The following CDK5RAP2 variants were observed in gnomAD, a reference collection of about 807,000 sequenced individuals.
The protein encoded by CDK5RAP2 is CDK5 regulatory subunit-associated protein 2.
Under a neutral mutation model 232.9 loss-of-function variants are expected in CDK5RAP2, and 147 were observed. The observed-to-expected ratio is 0.63, with a 90% CI of 0.55 to 0.72. The LOEUF (loss-of-function observed/expected upper bound fraction) is 0.72, where lower values mean the gene tolerates loss of function less well. Ranked by LOEUF, CDK5RAP2 falls within the 30% of genes least tolerant of loss-of-function variation. CDK5RAP2 has a pLI of 0.00. For synonymous variants in CDK5RAP2, 833 were observed against 833.7 expected, an observed-to-expected ratio of 1.00 and a Z score of 0.01; for missense variants, 2,195 against 2,231.5, an observed-to-expected ratio of 0.98 and a Z score of 0.33.
rs563855477 is a variant in CDK5RAP2 at position 120,419,929 on chromosome 9, G to C, written c.4036C>G (p.Leu1346Val). 2 of 1,614,036 alleles carry C rather than the reference G, an allele frequency of 1.2e-6. No individual in the cohort carries two copies. The highest frequency in any genetic ancestry group is 4.5e-5 in the East Asian group (2 of 44,878). Reference sequence around the variant, plus strand: ...GAAGGCTCAGGAGATTCAGGCAGAAGATGTTGGTAGGTTAAGTTGTCTTCC... The same window carrying C: ...GAAGGCTCAGGAGATTCAGGCAGAACATGTTGGTAGGTTAAGTTGTCTTCC... ...IEEDNLTYQH[L>V]LPESPEPSAS... The change falls in exon 27 of 38, where the codon CTT (leucine) becomes GTT (valine). Residue 1346 changes from leucine (L) to valine (V), a missense_variant. Physicochemically the swap from Leu to Val is conservative, Grantham distance 32. Transcript: ENST00000349780.
chr9:120,432,958 C>T (rs1029319306), intron 25 of CDK5RAP2, among the ~76,000 whole-genome samples: 1 of 152,160 alleles, frequency 6.6e-6, no homozygotes, highest in African/African-American at 2.4e-5. Flanking sequence ...ATTTAGAATA[C>T]CCTTAGCTAC....
intron 12 of CDK5RAP2, among the ~76,000 whole-genome samples, chr9:120,500,958 T>C (rs1004016714): frequency 6.6e-6 from 1 of 152,180 alleles, no homozygotes; most frequent in South Asian, 2.1e-4. Context: ...CTCCCATACC[T>C]GAAAATTCCT....
Position 120,477,434 on chromosome 9 carries a change from G to A in CDK5RAP2, c.1643C>T (p.Ser548Leu). ...TIFSKEKKQS[S>L]DYEELIQVLK... is the part of the protein sequence containing the mutation. ...GACCTGAATCAGCTCTTCATAGTCT[G>A]ATGATTGTTTCTTTTCCTGGAAATG... Residue 548 changes from serine (S) to leucine (L), a missense_variant, in exon 15 of 38, where the codon TCA becomes TTA. Ser to Leu is a moderately radical substitution (Grantham distance 145, BLOSUM62 -2). Coordinates refer to ENST00000349780, the MANE Select transcript of CDK5RAP2 (RefSeq NM_018249.6). 2 of 1,613,046 alleles carry A rather than the reference G, an allele frequency of 1.2e-6. No individual in the cohort carries two copies. Among genetic ancestry groups the A allele is most frequent in the Non-Finnish European group, 1.7e-6 (2 of 1,179,206 alleles).
At chr9:120,558,712 A>C (rs1250784949) in intron 3 of CDK5RAP2, among the ~76,000 whole-genome samples, 2 of 152,006 alleles carry the variant, frequency 1.3e-5, no homozygotes, top group Non-Finnish European at 2.9e-5. Context: ...GCTCGATCTC[A>C]TCCCTTCCAC....
intron 12 of CDK5RAP2, among the ~76,000 whole-genome samples, chr9:120,500,057 G>A (rs973935627): frequency 1.3e-5 from 2 of 152,208 alleles, no homozygotes; most frequent in Admixed American, 6.5e-5. Context: ...ATGGTCTAGA[G>A]AGCTGCTATA....
In CDK5RAP2 at chr9:120,447,901, G is replaced by C. The variant is rs1165274640; in HGVS notation, c.3019C>G (p.Leu1007Val). 1 of 1,612,852 alleles carries C rather than the reference G, an allele frequency of 6.2e-7. No individual in the cohort carries two copies. Among genetic ancestry groups the C allele is most frequent in the East Asian group, 2.2e-5 (1 of 44,876 alleles). ...EGRPTPDKTLLNAQPPVGAAY... is the reference protein window; with the variant it reads ...EGRPTPDKTLVNAQPPVGAAY... Reference sequence around the variant, plus strand: ...CATTTTTCTTGGTGCTTACCATTCAGCAACGTTTTGTCGGGCGTTGGCCTC... The same window carrying C: ...CATTTTTCTTGGTGCTTACCATTCACCAACGTTTTGTCGGGCGTTGGCCTC... The change falls in exon 22 of 38, where the codon CTG (leucine) becomes GTG (valine). Residue 1007 changes from leucine to valine, a missense_variant. Transcript: ENST00000349780.
chr9:120,453,902 A>G (rs759864100), intron 20 of CDK5RAP2, 29 bp from the exon 21 acceptor site: 4 of 1,612,114 alleles, frequency 2.5e-6, no homozygotes, highest in Non-Finnish European at 3.4e-6. Context: ...AGGAAGTGGG[A>G]GAACCAAGCT....
chr9:120,518,210 TGAGAGAGAGAGA>T (rs146336954), intron 12 of CDK5RAP2, among the ~76,000 whole-genome samples: 5 of 43,930 alleles, frequency 1.1e-4, no homozygotes, highest in African/African-American at 4.2e-4. Context: ...TGTGTGTGTG[TGAGAGAGAGAGA>T]GAGAGAGAGA....
intron 27 of CDK5RAP2, among the ~76,000 whole-genome samples, chr9:120,418,028 C>G (rs182829920): frequency 1.3e-5 from 2 of 152,326 alleles, no homozygotes; most frequent in Admixed American, 1.3e-4. Context: ...TATGTAATAA[C>G]ATGTCGGAAA....
At chr9:120,466,312 TA>T (rs1377149638) in intron 18 of CDK5RAP2, among the ~76,000 whole-genome samples, 1 of 152,144 alleles carries the variant, frequency 6.6e-6, no homozygotes, top group African/African-American at 2.4e-5. Context: ...ACCCTCACCC[TA>T]ACTCCATCTA....
intron 18 of CDK5RAP2, among the ~76,000 whole-genome samples, chr9:120,466,443 T>A (rs1464883158): frequency 6.6e-6 from 1 of 152,114 alleles, no homozygotes; most frequent in African/African-American, 2.4e-5. Context: ...CAAAGTACAA[T>A]ATGATAAAAG....
intron 12 of CDK5RAP2, 137 bp from the exon 13 acceptor site, chr9:120,491,614 TC>T: frequency 1.7e-6 from 1 of 605,296 alleles, no homozygotes; most frequent in Non-Finnish European, 2.8e-6. Context: ...TATATTTAAA[TC>T]CTTCTCACTT....
intron 2 of CDK5RAP2, among the ~76,000 whole-genome samples, chr9:120,571,003 A>T (rs2042834703): frequency 6.6e-6 from 1 of 152,200 alleles, no homozygotes; most frequent in African/African-American, 2.4e-5. Context: ...TGCAAAAAAT[A>T]CAAAAATTAG....
chr9:120,578,877 T>C (rs973753027), intron 1 of CDK5RAP2, among the ~76,000 whole-genome samples: 1 of 152,182 alleles, frequency 6.6e-6, no homozygotes, highest in South Asian at 2.1e-4. Flanking sequence ...CTTTTCACTC[T>C]TAAGTGTCCC....
intron 20 of CDK5RAP2, among the ~76,000 whole-genome samples, chr9:120,455,428 GGCACACACGT>G (rs2036713629): frequency 6.6e-6 from 1 of 151,282 alleles, no homozygotes; most frequent in Non-Finnish European, 1.5e-5. Context: ...GACTGGGCCA[GGCACACACGT>G]GCTTCAGAAA....
chr9:120,508,436 A>G (rs553001311), intron 12 of CDK5RAP2, among the ~76,000 whole-genome samples: 7 of 152,222 alleles, frequency 4.6e-5, no homozygotes, highest in Non-Finnish European at 1.0e-4. Context: ...ATGCTGGGGG[A>G]AAAAAACTTA....
chr9:120,558,476 G>C (rs958471083), intron 3 of CDK5RAP2, among the ~76,000 whole-genome samples: 1 of 148,388 alleles, frequency 6.7e-6, no homozygotes, highest in African/African-American at 2.5e-5. Flanking sequence ...TCACTCCCTG[G>C]TTAAACCCTC....
At position 120,471,880 on chromosome 9, in the gene CDK5RAP2, T is replaced by C. The variant is rs1262252882; in HGVS notation, c.1728-2A>G. ...AACTCAGCCTGCAGGTTGTTGATAC[T>C]TGGTAAAACAAGACACCAGAAGTTT... On this transcript the variant is annotated splice_acceptor_variant, in intron 15 of 37. Coordinates refer to ENST00000349780, the MANE Select transcript of CDK5RAP2 (RefSeq NM_018249.6). LOFTEE classifies it high-confidence loss of function. 6.2e-7 allele frequency: 1 copy of C among 1,614,102 alleles called. No individual in the cohort carries two copies. The highest frequency in any genetic ancestry group is 8.5e-7 in the Non-Finnish European group (1 of 1,179,960).
intron 12 of CDK5RAP2, among the ~76,000 whole-genome samples, chr9:120,518,126 A>G (rs900978659): frequency 1.3e-5 from 2 of 151,668 alleles, no homozygotes; most frequent in Non-Finnish European, 2.9e-5. Flanking sequence ...AACTTAAAAA[A>G]GCACGATACA....
Sources: allele counts gnomAD v4.1 joint callset (sites outside exome capture counted in the v4.1 genomes callset), GRCh38; gene constraint gnomAD v4.1.1; transcripts MANE v1.5; gene names NCBI Gene and HGNC (gene_info 2026-07-23, HGNC 2026-07-21).